ARHGEF28: variants seen among roughly 807,000 people sequenced by gnomAD.
The protein encoded by ARHGEF28 is Rho guanine nucleotide exchange factor 28.
Under a neutral mutation model 206.6 loss-of-function variants are expected in ARHGEF28, and 152 were observed. The observed-to-expected ratio is 0.74, with a 90% CI of 0.64 to 0.84. ARHGEF28 has a LOEUF of 0.84. Among genes scored for constraint, ARHGEF28 ranks in the 40% least tolerant of loss-of-function variants. The pLI is 0.00. For missense variants in ARHGEF28, 2,028 were observed against 2,073.2 expected, an observed-to-expected ratio of 0.98 and a Z score of 0.42; for synonymous variants, 763 against 776.4, an observed-to-expected ratio of 0.98 and a Z score of 0.29.
intron 9 of ARHGEF28, among the ~76,000 whole-genome samples, chr5:73,824,936 G>T (rs574723616): frequency 6.6e-6 from 1 of 152,172 alleles, no homozygotes; most frequent in African/African-American, 2.4e-5. Flanking sequence ...CCATCACAAC[G>T]TGTAGCAAGG....
intron 7 of ARHGEF28, among the ~76,000 whole-genome samples, chr5:73,781,780 A>G (rs1051979282): frequency 2.0e-5 from 3 of 152,126 alleles, no homozygotes; most frequent in Non-Finnish European, 4.4e-5. Flanking sequence ...CATTTGCTTC[A>G]TATTTTAGTT....
intron 5 of ARHGEF28, 146 bp from the exon 6 acceptor site, chr5:73,776,370 T>A: frequency 1.6e-6 from 1 of 616,982 alleles, no homozygotes. Flanking sequence ...GTTTTTATGA[T>A]CTTATGTATT....
Position 73,726,030 on chromosome 5 carries a change from G to A in ARHGEF28, c.34-23807G>A, listed in dbSNP as rs535873740. Among the ~76,000 whole-genome samples the A allele has an allele frequency of 1.3e-5, 2 of 152,326 alleles. 1 individual carries two copies. Among genetic ancestry groups the A allele is most frequent in the South Asian group, 4.1e-4 (2 of 4,826 alleles). On this transcript the variant is annotated intron_variant, in intron 2 of 35. Transcript: ENST00000513042. ...GCAGTCAAGGTGACTGACTTGGGCA[G>A]TATGTAACTTGTGCAGTTTCCCCCT...
intron 6 of ARHGEF28, 66 bp downstream of exon 6, chr5:73,776,762 A>G: frequency 6.9e-7 from 1 of 1,447,398 alleles, no homozygotes; most frequent in Non-Finnish European, 9.3e-7. Flanking sequence ...TCAATTTCTT[A>G]TTATGAGAAC....
At chr5:73,748,873 C>T (rs1401973787) in intron 2 of ARHGEF28, among the ~76,000 whole-genome samples, 7 of 152,180 alleles carry the variant, frequency 4.6e-5, no homozygotes, top group Non-Finnish European at 1.0e-4. Context: ...CCTTCAAAGC[C>T]TCTGGGGTCT....
At chr5:73,755,552 A>G (rs1429089115) in intron 4 of ARHGEF28, among the ~76,000 whole-genome samples, 1 of 152,176 alleles carries the variant, frequency 6.6e-6, no homozygotes, top group Non-Finnish European at 1.5e-5. Context: ...TGAATAGCTT[A>G]AACTAAGGGT....
chr5:73,678,569 G>GTGAAGC (rs1409637908), intron 1 of ARHGEF28, among the ~76,000 whole-genome samples: 1 of 152,150 alleles, frequency 6.6e-6, no homozygotes, highest in Non-Finnish European at 1.5e-5. Flanking sequence ...TGGGTCCTTC[G>GTGAAGC]TGAAGCTGTG....
intron 1 of ARHGEF28, among the ~76,000 whole-genome samples, chr5:73,656,959 A>G (rs1011360227): frequency 2.2e-4 from 34 of 152,002 alleles, no homozygotes; most frequent in African/African-American, 8.0e-4. Context: ...TCACGAGGTC[A>G]GGAGATGGAG....
chr5:73,809,760 A>G (rs1307160401), intron 9 of ARHGEF28, among the ~76,000 whole-genome samples: 3 of 152,176 alleles, frequency 2.0e-5, no homozygotes, highest in Non-Finnish European at 4.4e-5. Flanking sequence ...AACCTCATGG[A>G]AGTTCTTTTC....
intron 35 of ARHGEF28, among the ~76,000 whole-genome samples, chr5:73,913,865 TG>T (rs1763057405): frequency 6.6e-6 from 1 of 152,246 alleles, no homozygotes; most frequent in Non-Finnish European, 1.5e-5. Context: ...ACTCTTTCAT[TG>T]TTAGGCCATA....
At chr5:73,747,646 A>G (rs1580561663) in intron 2 of ARHGEF28, among the ~76,000 whole-genome samples, 1 of 151,814 alleles carries the variant, frequency 6.6e-6, no homozygotes, top group Admixed American at 6.6e-5. Context: ...AGCATCTTTA[A>G]CTGGGTCTTT....
At chr5:73,917,774 C>T (rs1181771556) in intron 35 of ARHGEF28, among the ~76,000 whole-genome samples, 3 of 152,176 alleles carry the variant, frequency 2.0e-5, no homozygotes, top group African/African-American at 7.2e-5. Context: ...TTAGGCCTGG[C>T]CCTGGCCATC....
At chr5:73,821,534 C>G (rs138114875) in intron 9 of ARHGEF28, among the ~76,000 whole-genome samples, 2 of 152,044 alleles carry the variant, frequency 1.3e-5, no homozygotes, top group East Asian at 3.9e-4. Flanking sequence ...CTGACTTATT[C>G]GTAGAGTTCT....
At chr5:73,846,118 A>C (rs997230573) in intron 11 of ARHGEF28, 150 bp from the exon 12 acceptor site, 2 of 685,334 alleles carry the variant, frequency 2.9e-6, no homozygotes, top group African/African-American at 3.6e-5. Context: ...GGAGGAGAAA[A>C]AGGCTAATTA....
At chr5:73,885,669 A>G (rs1203361091) in intron 24 of ARHGEF28, among the ~76,000 whole-genome samples, 181 bp from the exon 25 acceptor site, 1 of 151,926 alleles carries the variant, frequency 6.6e-6, no homozygotes, top group Non-Finnish European at 1.5e-5. Flanking sequence ...TGGTAGAAAC[A>G]GGGTTTTGCC....
At chr5:73,656,113 G>A (rs1454158571) in intron 1 of ARHGEF28, among the ~76,000 whole-genome samples, 5 of 152,182 alleles carry the variant, frequency 3.3e-5, no homozygotes, top group Non-Finnish European at 7.3e-5. Context: ...AATAGGTGCC[G>A]AAAAGCCTCC....
At chr5:73,790,627 A>C (rs775359514) in intron 7 of ARHGEF28, among the ~76,000 whole-genome samples, 1 of 151,704 alleles carries the variant, frequency 6.6e-6, no homozygotes. Flanking sequence ...CTCCCAGTCC[A>C]TATTTATACC....
intron 2 of ARHGEF28, among the ~76,000 whole-genome samples, chr5:73,716,129 AT>A (rs111598829): frequency 0.016 from 2,404 of 150,618 alleles, 77 homozygotes; most frequent in African/African-American, 0.056. Context: ...GGGAAGACTA[AT>A]TTTTTTTTTA....
At chr5:73,939,056 C>A (rs1561211961) in intron 35 of ARHGEF28, among the ~76,000 whole-genome samples, 1 of 151,522 alleles carries the variant, frequency 6.6e-6, no homozygotes, top group Non-Finnish European at 1.5e-5. Context: ...GATGGCCAAG[C>A]CATTTTCAGC....
Sources: allele counts gnomAD v4.1 joint callset (sites outside exome capture counted in the v4.1 genomes callset), GRCh38; gene constraint gnomAD v4.1.1; transcripts MANE v1.5; gene names NCBI Gene and HGNC (gene_info 2026-07-23, HGNC 2026-07-21).